GRM7: variants seen among roughly 807,000 people sequenced by gnomAD.
GRM7 encodes glutamate metabotropic receptor 7.
In GRM7, 35 loss-of-function variants were observed where a neutral mutation model predicts 84.5. That is an observed-to-expected ratio of 0.41 (90% CI 0.32 to 0.55). The LOEUF is 0.55. Ranked by LOEUF, GRM7 falls within the 20% of genes least tolerant of loss-of-function variation. The pLI, the probability that GRM7 is intolerant of heterozygous loss-of-function variation, is 0.19. For missense variants in GRM7, 1,003 were observed against 1,194.6 expected (o/e 0.84, Z 2.36); for synonymous variants, 487 against 455.1 (o/e 1.07, Z -0.89).
rs184970690 is a variant in GRM7 at position 7,255,660 on chromosome 3, T to C, written c.737-43024T>C. On this transcript the variant is annotated intron_variant, in intron 2 of 9. Transcript: ENST00000357716. ...ACCATGTTCCTATTTATAGAAGGCA[T>C]GGAGGAGAGAAGTGAGTTGGGTGAA... Among the ~76,000 whole-genome samples the C allele has an allele frequency of 7.7e-4, 117 of 152,336 alleles. 1 individual carries two copies. The highest frequency in any genetic ancestry group is 3.4e-3 in the Middle Eastern group (1 of 294).
intron 2 of GRM7, among the ~76,000 whole-genome samples, chr3:7,277,204 C>T (rs1699104612): frequency 6.6e-6 from 1 of 151,982 alleles, no homozygotes; most frequent in South Asian, 2.1e-4. Context: ...TATCCTTTCA[C>T]ACTTAACTGG....
chr3:7,610,382 T>C (rs4684554), intron 8 of GRM7, among the ~76,000 whole-genome samples: 19,237 of 152,238 alleles, frequency 0.13, 1,399 homozygotes, highest in Admixed American at 0.16. Flanking sequence ...CCTGCTGTCA[T>C]TGGTTCCAGA....
At chr3:7,294,216 C>T (rs1412474170) in intron 2 of GRM7, among the ~76,000 whole-genome samples, 1 of 152,212 alleles carries the variant, frequency 6.6e-6, no homozygotes, top group South Asian at 2.1e-4. Flanking sequence ...CTCCACTAGA[C>T]ATGTTGCCAA....
At chr3:6,903,788 T>G (rs530614501) in intron 1 of GRM7, among the ~76,000 whole-genome samples, 1 of 152,274 alleles carries the variant, frequency 6.6e-6, no homozygotes, top group African/African-American at 2.4e-5. Context: ...CAAATAATAT[T>G]AGTTCACATT....
chr3:7,637,583 A>C (rs899193440), intron 8 of GRM7, among the ~76,000 whole-genome samples: 7 of 152,246 alleles, frequency 4.6e-5, no homozygotes, highest in Non-Finnish European at 4.4e-5. Flanking sequence ...ATGGCTTTGC[A>C]GGAGCCTATC....
chr3:7,390,777 T>G (rs552050541), intron 4 of GRM7, among the ~76,000 whole-genome samples: 1 of 152,276 alleles, frequency 6.6e-6, no homozygotes, highest in African/African-American at 2.4e-5. Context: ...TTGTGTTAGA[T>G]TTCAACTTTT....
intron 1 of GRM7, among the ~76,000 whole-genome samples, chr3:7,065,284 T>G (rs925774474): frequency 6.6e-6 from 1 of 151,914 alleles, no homozygotes; most frequent in African/African-American, 2.4e-5. Context: ...TCTAAAATGG[T>G]TTTTTCAATG....
intron 1 of GRM7, among the ~76,000 whole-genome samples, chr3:7,022,555 A>G (rs951458924): frequency 1.3e-5 from 2 of 152,102 alleles, no homozygotes; most frequent in African/African-American, 4.8e-5. Context: ...TTTTAAAATC[A>G]GAAAAAAAAC....
intron 2 of GRM7, among the ~76,000 whole-genome samples, chr3:7,167,152 T>C (rs1486705905): frequency 6.6e-6 from 1 of 152,238 alleles, no homozygotes; most frequent in East Asian, 1.9e-4. Flanking sequence ...TATTTCCTCA[T>C]CAGCACTCTA....
At chr3:7,029,864 A>G (rs1476653742) in intron 1 of GRM7, among the ~76,000 whole-genome samples, 1 of 152,244 alleles carries the variant, frequency 6.6e-6, no homozygotes, top group African/African-American at 2.4e-5. Flanking sequence ...TATAAATTTT[A>G]TGTTGTGTAT....
chr3:7,095,507 T>C (rs1172129465), intron 1 of GRM7, among the ~76,000 whole-genome samples: 1 of 152,164 alleles, frequency 6.6e-6, no homozygotes, highest in Non-Finnish European at 1.5e-5. Context: ...GACATTGAGA[T>C]TACATATTCC....
chr3:7,514,820 A>G (rs1700320810), intron 7 of GRM7, among the ~76,000 whole-genome samples: 1 of 152,214 alleles, frequency 6.6e-6, no homozygotes, highest in South Asian at 2.1e-4. Context: ...AATACTTTCC[A>G]TAAAGCGCAG....
At chr3:7,062,742 C>T (rs777515834) in intron 1 of GRM7, among the ~76,000 whole-genome samples, 11 of 151,654 alleles carry the variant, frequency 7.3e-5, no homozygotes, top group Admixed American at 2.0e-4. Context: ...ATGGTGATAA[C>T]CCATATCAAC....
intron 1 of GRM7, among the ~76,000 whole-genome samples, chr3:6,879,645 C>T (rs1051073885): frequency 6.6e-6 from 1 of 152,164 alleles, no homozygotes; most frequent in African/African-American, 2.4e-5. Context: ...AGCCAGACCT[C>T]ACCACACAGT....
chr3:7,482,425 C>T (rs1474016492), intron 7 of GRM7, among the ~76,000 whole-genome samples: 1 of 152,154 alleles, frequency 6.6e-6, no homozygotes, highest in Non-Finnish European at 1.5e-5. Context: ...ATGTAGGTAA[C>T]CATGTCCCAT....
At chr3:7,659,524 T>A (rs1458237460) in intron 8 of GRM7, among the ~76,000 whole-genome samples, 1 of 152,158 alleles carries the variant, frequency 6.6e-6, no homozygotes, top group Non-Finnish European at 1.5e-5. Context: ...TAGATATGAA[T>A]TCTCCTCATA....
At chr3:6,911,660 G>A (rs1336114890) in intron 1 of GRM7, among the ~76,000 whole-genome samples, 2 of 152,036 alleles carry the variant, frequency 1.3e-5, no homozygotes, top group African/African-American at 4.8e-5. Flanking sequence ...TTTTCAAATC[G>A]GATTTAAGAA....
chr3:7,366,486 A>G (rs978803776), intron 4 of GRM7, among the ~76,000 whole-genome samples: 6 of 151,900 alleles, frequency 3.9e-5, no homozygotes, highest in African/African-American at 1.4e-4. Context: ...TGAGTGAAGT[A>G]TATTAATACC....
chr3:7,305,718 G>A (rs1469228308), intron 3 of GRM7, among the ~76,000 whole-genome samples: 1 of 150,162 alleles, frequency 6.7e-6, no homozygotes, highest in Non-Finnish European at 1.5e-5. Flanking sequence ...CACAATCTTT[G>A]ACCCAATCTT....
Sources: allele counts gnomAD v4.1 joint callset (sites outside exome capture counted in the v4.1 genomes callset), GRCh38; gene constraint gnomAD v4.1.1; transcripts MANE v1.5; gene names NCBI Gene and HGNC (gene_info 2026-07-23, HGNC 2026-07-21).